The following ZNF385D variants were observed in gnomAD, a reference collection of about 807,000 sequenced individuals.
ZNF385D encodes the protein zinc finger protein 659.
In ZNF385D, 15 loss-of-function variants were observed where a neutral mutation model predicts 35.8. The observed-to-expected ratio is 0.42, with a 90% CI of 0.28 to 0.64. ZNF385D has a LOEUF of 0.64. ZNF385D is among the 30% of genes least tolerant of loss of function. The probability of loss-of-function intolerance (pLI) is 0.23; values close to 1 mark genes in which losing one functional copy is unlikely to be tolerated. For synonymous variants in ZNF385D, 212 were observed against 186.8 expected, an observed-to-expected ratio of 1.13 and a Z score of -1.10; for missense variants, 474 against 494.6, an observed-to-expected ratio of 0.96 and a Z score of 0.39.
chr3:21,896,259 G>A (rs1374764826), intron 3 of ZNF385D, among the ~76,000 whole-genome samples: 1 of 152,134 alleles, frequency 6.6e-6, no homozygotes, highest in African/African-American at 2.4e-5. Context: ...AGTTTGAGTA[G>A]GAAAGAGCTG....
intron 2 of ZNF385D, among the ~76,000 whole-genome samples, chr3:22,254,643 T>G (rs1262100940): frequency 6.6e-6 from 1 of 151,872 alleles, no homozygotes; most frequent in African/African-American, 2.4e-5. Context: ...TTTTGTTTTT[T>G]CCTATACATA....
At chr3:22,259,833 AG>A (rs950913560) in intron 2 of ZNF385D, among the ~76,000 whole-genome samples, 4 of 147,044 alleles carry the variant, frequency 2.7e-5, no homozygotes, top group Admixed American at 6.8e-5. Context: ...CAACATAGTG[AG>A]GAAAAAAAAA....
In ZNF385D at chr3:22,063,279, T is replaced by C. The variant is rs78517398; in HGVS notation, c.325+105538A>G. 2.3e-3 allele frequency among the ~76,000 whole-genome samples: 346 copies of C among 152,244 alleles called. 3 individuals are homozygous for C. Among genetic ancestry groups the C allele is most frequent in the African/African-American group, 7.8e-3 (326 of 41,550 alleles). ...ATTGTAGTGAAAAATTCCTAGAACATTGTCTGATTAATTTTGGTTTACTTC... is the reference window on the plus strand; with the variant it reads ...ATTGTAGTGAAAAATTCCTAGAACACTGTCTGATTAATTTTGGTTTACTTC... On this transcript the variant is annotated intron_variant, in intron 3 of 5. Transcript: ENST00000494108.
At chr3:21,782,750 G>A (rs1202333135) in intron 3 of ZNF385D, among the ~76,000 whole-genome samples, 2 of 152,088 alleles carry the variant, frequency 1.3e-5, no homozygotes, top group Admixed American at 6.6e-5. Context: ...TTTAGAATGT[G>A]TCTGATATGT....
At chr3:22,147,870 G>T (rs1031043104) in intron 3 of ZNF385D, among the ~76,000 whole-genome samples, 3 of 152,136 alleles carry the variant, frequency 2.0e-5, no homozygotes, top group African/African-American at 7.2e-5. Context: ...CTTTTGCTGA[G>T]CTTGAATTTG....
intron 3 of ZNF385D, among the ~76,000 whole-genome samples, chr3:22,000,943 C>T (rs141110331): frequency 0.012 from 1,821 of 151,260 alleles, 33 homozygotes; most frequent in African/African-American, 0.042. Context: ...GGAAAATTAT[C>T]TGCCATCATA....
intron 4 of ZNF385D, among the ~76,000 whole-genome samples, chr3:21,501,602 T>C (rs1706372591): frequency 6.6e-6 from 1 of 152,250 alleles, no homozygotes; most frequent in African/African-American, 2.4e-5. Context: ...AATTCTCTAA[T>C]TGTCTGCATG....
At chr3:22,193,469 C>A (rs1407594622) in intron 2 of ZNF385D, among the ~76,000 whole-genome samples, 1 of 151,998 alleles carries the variant, frequency 6.6e-6, no homozygotes, top group Non-Finnish European at 1.5e-5. Flanking sequence ...ACATAGGATG[C>A]ATGAGATCTA....
intron 3 of ZNF385D, among the ~76,000 whole-genome samples, chr3:21,841,233 T>A (rs985873147): frequency 6.6e-6 from 1 of 152,046 alleles, no homozygotes; most frequent in African/African-American, 2.4e-5. Context: ...TTCTCTTTAA[T>A]AGCTTCATAG....
intron 3 of ZNF385D, among the ~76,000 whole-genome samples, chr3:21,988,045 G>T (rs200107936): frequency 1.3e-4 from 19 of 142,748 alleles, no homozygotes; most frequent in South Asian, 2.6e-4. Context: ...CTTCTCTGTA[G>T]TGGTTATTCT....
chr3:21,635,072 G>A (rs1036705785), intron 2 of ZNF385D, among the ~76,000 whole-genome samples: 10 of 151,984 alleles, frequency 6.6e-5, no homozygotes, highest in Admixed American at 1.3e-4. Context: ...CATAGACCAC[G>A]TACATATATG....
intron 3 of ZNF385D, among the ~76,000 whole-genome samples, chr3:22,094,018 C>T (rs1004348176): frequency 2.6e-5 from 4 of 151,978 alleles, no homozygotes; most frequent in Admixed American, 1.3e-4. Context: ...ACCAATTTAA[C>T]GCTTTACAAA....
intron 3 of ZNF385D, among the ~76,000 whole-genome samples, 184 bp downstream of exon 3, chr3:21,564,390 G>A (rs965772766): frequency 1.3e-5 from 2 of 152,104 alleles, no homozygotes; most frequent in African/African-American, 4.8e-5. Context: ...ATTTTCTGTA[G>A]TAAACAACCA....
intron 3 of ZNF385D, among the ~76,000 whole-genome samples, chr3:21,807,299 T>A (rs4095731): frequency 1.3e-5 from 2 of 152,206 alleles, no homozygotes; most frequent in Admixed American, 1.3e-4. Flanking sequence ...ACTTGCTATT[T>A]TTCAAGTGTT....
chr3:21,701,686 A>G (rs2067688758), intron 1 of ZNF385D, among the ~76,000 whole-genome samples: 1 of 152,166 alleles, frequency 6.6e-6, no homozygotes, highest in African/African-American at 2.4e-5. Flanking sequence ...AATCAAAAGC[A>G]AGCTAGTTAC....
rs192101934 is a variant in ZNF385D at position 21,869,133 on chromosome 3, C to T, written c.326-204105G>A. Among the ~76,000 whole-genome samples, 26 of 152,132 alleles carry T rather than the reference C, an allele frequency of 1.7e-4. No homozygotes were observed. The East Asian group carries it at 3.5e-3, about 20-fold the overall frequency. On this transcript the variant is annotated intron_variant, in intron 3 of 5. Transcript: ENST00000494108. ...AATGTTTCGAGGGACCAAGAAACAACGTTATACAAACTCATTAGCACGTAG... is the reference window on the plus strand; with the variant it reads ...AATGTTTCGAGGGACCAAGAAACAATGTTATACAAACTCATTAGCACGTAG...
At chr3:22,227,706 T>A (rs953829062) in intron 2 of ZNF385D, among the ~76,000 whole-genome samples, 5 of 152,160 alleles carry the variant, frequency 3.3e-5, no homozygotes, top group Admixed American at 3.3e-4. Flanking sequence ...ACCATTGCCA[T>A]GGCAACACCC....
chr3:21,637,895 C>T (rs1453837925), intron 2 of ZNF385D, among the ~76,000 whole-genome samples: 1 of 152,064 alleles, frequency 6.6e-6, no homozygotes, highest in Non-Finnish European at 1.5e-5. Context: ...AAATCGAAGA[C>T]CTCTAATACT....
chr3:21,546,335 TA>T (rs2062371049), intron 3 of ZNF385D, among the ~76,000 whole-genome samples: 1 of 152,040 alleles, frequency 6.6e-6, no homozygotes. Flanking sequence ...GGTGATGGAA[TA>T]AATAGTGTGC....
Sources: allele counts gnomAD v4.1 joint callset (sites outside exome capture counted in the v4.1 genomes callset), GRCh38; gene constraint gnomAD v4.1.1; transcripts MANE v1.5; gene names NCBI Gene and HGNC (gene_info 2026-07-23, HGNC 2026-07-21).